Variants in PIK3R4 observed in about 807,000 individuals in gnomAD.
PIK3R4 encodes the protein phosphoinositide-3-kinase regulatory subunit 4.
In PIK3R4, 46 loss-of-function variants were observed where a neutral mutation model predicts 136.5. The observed-to-expected ratio is 0.34, with a 90% confidence interval of 0.27 to 0.43. PIK3R4 has a LOEUF of 0.43. Ranked by LOEUF, PIK3R4 falls within the 20% of genes least tolerant of loss-of-function variation. The probability of loss-of-function intolerance (pLI) is 1.00; values close to 1 mark genes in which losing one functional copy is unlikely to be tolerated. For missense variants in PIK3R4, 1,331 were observed against 1,649.5 expected, an observed-to-expected ratio of 0.81 and a Z score of 3.35; for synonymous variants, 557 against 566.7, an observed-to-expected ratio of 0.98 and a Z score of 0.24.
chr3:130,730,269 T>G lies in PIK3R4; in HGVS notation c.1585+39A>C, dbSNP rs764786253. ...TTACAAGTTAGCATCAGCAATTCAT[T>G]CTAAATAACAGGAAATCTGGAAGAG... On this transcript the variant is annotated intron_variant, in intron 5 of 19. Coordinates refer to ENST00000356763, the MANE Select transcript of PIK3R4 (RefSeq NM_014602.3). 2.0e-6 allele frequency: 3 copies of G among 1,532,300 alleles called. No individual in the cohort carries two copies. The South Asian group carries it at 3.6e-5, about 18-fold the overall frequency. 94.9% of individuals were successfully genotyped at this position (1,532,300 alleles called of 1,614,324 possible).
chr3:130,682,756 AATTTT>A (rs1275658555), intron 16 of PIK3R4, among the ~76,000 whole-genome samples: 3 of 152,160 alleles, frequency 2.0e-5, no homozygotes, highest in African/African-American at 7.2e-5. Context: ...CTTTGTAAAC[AATTTT>A]ATTTGAAAAT....
At chr3:130,718,137 C>T (rs567074862) in intron 8 of PIK3R4, among the ~76,000 whole-genome samples, 17 of 152,156 alleles carry the variant, frequency 1.1e-4, no homozygotes, top group African/African-American at 3.9e-4. Context: ...TAATATTACA[C>T]AAAAGAAAAT....
intron 13 of PIK3R4, among the ~76,000 whole-genome samples, chr3:130,694,150 C>T (rs566565737): frequency 6.6e-6 from 1 of 152,162 alleles, no homozygotes; most frequent in East Asian, 1.9e-4. Flanking sequence ...ATCCTTATAC[C>T]CGTACTACAC....
At chr3:130,717,896 A>G (rs950943054) in intron 8 of PIK3R4, among the ~76,000 whole-genome samples, 3 of 152,328 alleles carry the variant, frequency 2.0e-5, no homozygotes, top group African/African-American at 7.2e-5. Context: ...CCAAAGACCT[A>G]AAGTTTATCA....
intron 6 of PIK3R4, among the ~76,000 whole-genome samples, chr3:130,724,520 A>G (rs2066720614): frequency 6.6e-6 from 1 of 152,050 alleles, no homozygotes; most frequent in South Asian, 2.1e-4. Context: ...TCTATACATA[A>G]AAGACTTCAT....
chr3:130,703,654 A>G (rs1299948320), intron 13 of PIK3R4, 69 bp downstream of exon 13: 24 of 1,155,576 alleles, frequency 2.1e-5, no homozygotes, highest in Non-Finnish European at 2.9e-5. Flanking sequence ...TGGTTATTAT[A>G]GAGTAAACAC....
intron 3 of PIK3R4, 81 bp downstream of exon 3, chr3:130,735,788 C>T (rs527958649): frequency 2.5e-4 from 320 of 1,278,850 alleles, no homozygotes; most frequent in Non-Finnish European, 3.4e-4. Context: ...AAATTTACAA[C>T]ATTCCAGAAA....
At chr3:130,696,654 T>C (rs968701112) in intron 13 of PIK3R4, among the ~76,000 whole-genome samples, 3 of 152,212 alleles carry the variant, frequency 2.0e-5, no homozygotes, top group Admixed American at 6.5e-5. Context: ...GAGGTTTGTT[T>C]TGTGACCTAA....
chr3:130,728,719 G>C (rs1462288709), intron 5 of PIK3R4, 35 bp from the exon 6 acceptor site: 9 of 1,362,658 alleles, frequency 6.6e-6, no homozygotes, highest in South Asian at 1.4e-5. Flanking sequence ...AAGAAAGAAA[G>C]AAAAGAAATA....
At chr3:130,733,430 A>C (rs2066769086) in intron 4 of PIK3R4, 118 bp downstream of exon 4, 2 of 653,254 alleles carry the variant, frequency 3.1e-6, no homozygotes, top group Non-Finnish European at 5.4e-6. Flanking sequence ...GTACACAAAT[A>C]GTTCAAAGAG....
In PIK3R4 at chr3:130,698,361, C is replaced by T. The variant is rs542244190; in HGVS notation, c.3098+5362G>A. Among the ~76,000 whole-genome samples the T allele has an allele frequency of 1.4e-4, 21 of 152,306 alleles. No individual in the cohort carries two copies. In the South Asian group the frequency reaches 4.3e-3, roughly 32 times the overall value. On this transcript the variant is annotated intron_variant, in intron 13 of 19. Transcript: ENST00000356763. ...TGTGAGAATGCTTGATAGTGCACCACAGGTCTCTAAGGCTCTATTCATTTT... is the reference window on the plus strand; with the variant it reads ...TGTGAGAATGCTTGATAGTGCACCATAGGTCTCTAAGGCTCTATTCATTTT...
intron 12 of PIK3R4, among the ~76,000 whole-genome samples, chr3:130,705,051 G>A (rs1466318507): frequency 1.3e-5 from 2 of 151,908 alleles, no homozygotes; most frequent in Admixed American, 6.6e-5. Flanking sequence ...AGCTGGTCTC[G>A]AACTCCTGAC....
rs2066602591 is a variant in PIK3R4 at position 130,705,658 on chromosome 3, C to T, written c.2835G>A (p.Gln945=). Residue 945 remains glutamine (Q), a synonymous_variant, in exon 12 of 20, where the codon CAG becomes CAA. Transcript: ENST00000356763. ...IRITTCKTEL[Q]QLIQQKREQC... is the part of the protein sequence containing the mutation. ...GCTCCCGCTTTTGCTGGATGAGTTG[C>T]TGAAGTTCAGTTTTACAAGTTGTAA... 1.2e-6 allele frequency: 2 copies of T among 1,613,330 alleles called. No homozygotes were observed. The highest frequency in any genetic ancestry group is 1.1e-5 in the South Asian group (1 of 91,058).
At chr3:130,728,134 T>C (rs1358374779) in intron 6 of PIK3R4, among the ~76,000 whole-genome samples, 1 of 152,220 alleles carries the variant, frequency 6.6e-6, no homozygotes, top group Non-Finnish European at 1.5e-5. Context: ...ACCTTTACAC[T>C]ACAGCAATCA....
chr3:130,713,568 G>T (rs1423098893), intron 9 of PIK3R4, among the ~76,000 whole-genome samples: 1 of 152,196 alleles, frequency 6.6e-6, no homozygotes, highest in Admixed American at 6.5e-5. Flanking sequence ...CCATGGCAGT[G>T]TCAAAACCTA....
rs149004195 is a variant in PIK3R4, at chr3:130,739,516, T to C, written c.734-3514A>G. Among the ~76,000 whole-genome samples the C allele has an allele frequency of 9.2e-3, 1,405 of 152,112 alleles. 20 individuals carry two copies. Among genetic ancestry groups the C allele is most frequent in the East Asian group, 0.053 (272 of 5,172 alleles). ...CTTCCCGGGTAGCTGGGACTACAGG[T>C]GTACACCACCACGCCCAACTAATTT... is the stretch of plus-strand genomic sequence containing the variant. On this transcript the variant is annotated intron_variant, in intron 2 of 19. Coordinates refer to ENST00000356763, the MANE Select transcript of PIK3R4 (RefSeq NM_014602.3).
At chr3:130,726,327 GTAATA>G (rs941918524) in intron 6 of PIK3R4, among the ~76,000 whole-genome samples, 2 of 152,042 alleles carry the variant, frequency 1.3e-5, no homozygotes, top group East Asian at 1.9e-4. Context: ...AAATTTGGAA[GTAATA>G]TAATATATAC....
intron 12 of PIK3R4, 139 bp from the exon 13 acceptor site, chr3:130,704,027 A>G (rs1031803069): frequency 9.9e-6 from 6 of 606,344 alleles, no homozygotes; most frequent in African/African-American, 1.9e-5. Flanking sequence ...ATAGTTGCCA[A>G]TAAAGAGTGG....
chr3:130,706,103 G>GT (rs1191274194), intron 11 of PIK3R4, among the ~76,000 whole-genome samples: 1 of 152,164 alleles, frequency 6.6e-6, no homozygotes. Flanking sequence ...TTCAATTAAT[G>GT]TTTTTTATTT....
Sources: allele counts gnomAD v4.1 joint callset (sites outside exome capture counted in the v4.1 genomes callset), GRCh38; gene constraint gnomAD v4.1.1; transcripts MANE v1.5; gene names NCBI Gene and HGNC (gene_info 2026-07-23, HGNC 2026-07-21).